Variants in TPP2 observed in about 807,000 individuals in gnomAD.
The protein encoded by TPP2 is tripeptidyl peptidase 2.
Under a neutral mutation model 155.9 loss-of-function variants are expected in TPP2, and 34 were observed. That is an observed-to-expected ratio of 0.22 (90% CI 0.17 to 0.29). The LOEUF (loss-of-function observed/expected upper bound fraction) is 0.29. TPP2 is among the 10% of genes least tolerant of loss of function. The probability of loss-of-function intolerance (pLI) is 1.00; values close to 1 mark genes in which losing one functional copy is unlikely to be tolerated. For synonymous variants in TPP2, 510 were observed against 529.4 expected, an observed-to-expected ratio of 0.96 and a Z score of 0.50; for missense variants, 1,028 against 1,522.3, an observed-to-expected ratio of 0.68 and a Z score of 5.40.
intron 6 of TPP2, among the ~76,000 whole-genome samples, chr13:102,625,288 C>T (rs1223063770): frequency 6.6e-6 from 1 of 151,550 alleles, no homozygotes; most frequent in East Asian, 1.9e-4. Context: ...CCTCAGCCTC[C>T]CAAGTAGCTG....
intron 8 of TPP2, among the ~76,000 whole-genome samples, chr13:102,629,020 A>C (rs560904999): frequency 1.3e-5 from 2 of 152,136 alleles, no homozygotes; most frequent in Non-Finnish European, 2.9e-5. Context: ...TTTGCTGTCA[A>C]GCTCTAAGCA....
At chr13:102,642,111 T>C (rs1882808167) in intron 16 of TPP2, among the ~76,000 whole-genome samples, 1 of 152,240 alleles carries the variant, frequency 6.6e-6, no homozygotes, top group Non-Finnish European at 1.5e-5. Context: ...TGGACTTCTG[T>C]TTCAACTGTA....
chr13:102,663,817 A>G (rs1165514042), intron 26 of TPP2, 73 bp downstream of exon 26: 47 of 1,131,550 alleles, frequency 4.2e-5, no homozygotes, highest in Non-Finnish European at 5.6e-5. Context: ...GGAAAAGTGC[A>G]TTATCTTTCT....
chr13:102,636,024 G>C (rs1228336679), intron 12 of TPP2, among the ~76,000 whole-genome samples, 200 bp from the exon 13 acceptor site: 1 of 152,196 alleles, frequency 6.6e-6, no homozygotes, highest in African/African-American at 2.4e-5. Context: ...AGTGTGAATA[G>C]AGTGGAGTGG....
chr13:102,644,726 G>A, intron 18 of TPP2, 53 bp downstream of exon 18: 1 of 1,474,522 alleles, frequency 6.8e-7, no homozygotes, highest in Non-Finnish European at 9.3e-7. Context: ...TGTGTTACTG[G>A]AGAGTAACTT....
intron 27 of TPP2, 137 bp from the exon 28 acceptor site, chr13:102,674,146 A>C: frequency 1.1e-6 from 1 of 870,494 alleles, no homozygotes; most frequent in Non-Finnish European, 1.7e-6. Context: ...GTACAATACA[A>C]TTGTACGTAC....
intron 24 of TPP2, among the ~76,000 whole-genome samples, chr13:102,654,160 CAA>C (rs1040317879): frequency 6.6e-6 from 1 of 152,038 alleles, no homozygotes; most frequent in African/African-American, 2.4e-5. Context: ...TTTATTGGCA[CAA>C]AGAAGAAATT....
chr13:102,665,021 A>T, intron 27 of TPP2, 96 bp downstream of exon 27: 1 of 1,413,758 alleles, frequency 7.1e-7, no homozygotes, highest in East Asian at 2.3e-5. Flanking sequence ...TGCTTTTCTG[A>T]TGTTTGTTAT....
intron 2 of TPP2, among the ~76,000 whole-genome samples, chr13:102,612,823 TATAAC>T (rs1880427006): frequency 2.0e-5 from 3 of 152,224 alleles, no homozygotes; most frequent in Admixed American, 2.0e-4. Context: ...TGTGATTAAA[TATAAC>T]TTAACGACTT....
In TPP2 at chr13:102,657,089, C is replaced by A. The variant is rs746076087; in HGVS notation, c.3025C>A (p.Pro1009Thr). ...VIPVHYYLIPPPTKTKNGSKD... is the reference protein window; with the variant it reads ...VIPVHYYLIPTPTKTKNGSKD... ...CCCTGTTCATTACTACTTAATACCT[C>A]CACCAACAAAGACTAAGAATGGCAG... Residue 1009 changes from proline to threonine, a missense_variant, in exon 25 of 30, where the codon CCA becomes ACA. Transcript: ENST00000376052. 2 of 1,589,258 alleles carry A rather than the reference C, an allele frequency of 1.3e-6. No homozygotes were observed. Among genetic ancestry groups the A allele is most frequent in the Non-Finnish European group, 1.7e-6 (2 of 1,172,150 alleles).
At chr13:102,616,145 C>T (rs961622670) in intron 3 of TPP2, among the ~76,000 whole-genome samples, 5 of 152,002 alleles carry the variant, frequency 3.3e-5, no homozygotes, top group African/African-American at 7.2e-5. Context: ...TTAGTAGAGA[C>T]GGGGTTTCAC....
rs779883156 is a variant in TPP2 at position 102,597,021 on chromosome 13, G to A, written c.-18G>A. Reference sequence around the variant, plus strand: ...CAGCCTGGCAGTTTGCCGCTTCCTCGTCCTCCATCCTGCGTCCATGGCCAC... The same window carrying A: ...CAGCCTGGCAGTTTGCCGCTTCCTCATCCTCCATCCTGCGTCCATGGCCAC... On this transcript the variant is annotated 5_prime_UTR_variant, in exon 1 of 30. Coordinates refer to ENST00000376052, the MANE Select transcript of TPP2 (RefSeq NM_001330588.2). 2.3e-5 allele frequency: 37 copies of A among 1,610,088 alleles called. No individual in the cohort carries two copies. Among genetic ancestry groups the A allele is most frequent in the Non-Finnish European group, 3.1e-5 (37 of 1,178,798 alleles).
At chr13:102,611,741 AT>A (rs1880339537) in intron 2 of TPP2, among the ~76,000 whole-genome samples, 1 of 152,256 alleles carries the variant, frequency 6.6e-6, no homozygotes, top group Non-Finnish European at 1.5e-5. Context: ...ATTCTCCTAT[AT>A]TTCTAAGAAG....
At chr13:102,656,411 T>A (rs964548429) in intron 24 of TPP2, among the ~76,000 whole-genome samples, 1 of 152,214 alleles carries the variant, frequency 6.6e-6, no homozygotes, top group African/African-American at 2.4e-5. Context: ...GCTCATCTGC[T>A]CCTTGTTCAT....
Position 102,649,275 on chromosome 13 carries a change from C to T in TPP2, c.2873+124C>T, listed in dbSNP as rs185574324. 12,131 of 1,444,014 alleles carry T rather than the reference C, an allele frequency of 8.4e-3. 81 individuals are homozygous for T. The highest frequency in any genetic ancestry group is 0.016 in the Middle Eastern group (85 of 5,192). 89.5% of individuals were successfully genotyped at this position (1,444,014 alleles called of 1,614,324 possible). A position where few individuals can be genotyped will look rare whatever the true frequency, so the allele number is the denominator to read the frequency against. On this transcript the variant is annotated intron_variant, in intron 22 of 29. Transcript: ENST00000376052. ...CATTTTTTTTTTGGCTGAAGTATTT[C>T]TTCCTTTGATTTTTGAAGTCTTAGC...
intron 1 of TPP2, among the ~76,000 whole-genome samples, chr13:102,603,387 A>G (rs557259113): frequency 4.6e-5 from 7 of 152,318 alleles, no homozygotes; most frequent in African/African-American, 1.7e-4. Context: ...GTGAGAAAAA[A>G]TAATCCAGTT....
chr13:102,651,579 G>GTT (rs67186749), intron 24 of TPP2, among the ~76,000 whole-genome samples, 182 bp downstream of exon 24: 1 of 144,784 alleles, frequency 6.9e-6, no homozygotes. Context: ...TTTTCTAAAG[G>GTT]TTTTTTTTTT....
At chr13:102,641,970 G>A (rs1403025830) in intron 16 of TPP2, among the ~76,000 whole-genome samples, 1 of 152,146 alleles carries the variant, frequency 6.6e-6, no homozygotes, top group African/African-American at 2.4e-5. Flanking sequence ...TTGCAGTTAA[G>A]AGAACTGGAT....
intron 24 of TPP2, among the ~76,000 whole-genome samples, chr13:102,653,176 C>G (rs1440715727): frequency 6.6e-6 from 1 of 152,102 alleles, no homozygotes; most frequent in Middle Eastern, 3.2e-3. Flanking sequence ...AATGCAAGTA[C>G]ACAATAAAGC....
Sources: gnomAD v4.1 joint callset for allele counts (sites outside exome capture counted in the v4.1 genomes callset) on GRCh38, gnomAD v4.1.1 for gene constraint, MANE v1.5 for transcripts, NCBI Gene and HGNC (gene_info 2026-07-23, HGNC 2026-07-21) for gene names.